ANKRD50: variants seen among roughly 807,000 people sequenced by gnomAD.
ANKRD50 encodes ankyrin repeat domain-containing protein 50.
In ANKRD50, 40 loss-of-function variants were observed where a neutral mutation model predicts 112.0. The observed-to-expected ratio is 0.36, with a 90% CI of 0.28 to 0.46. ANKRD50 has a LOEUF of 0.46. Among genes scored for constraint, ANKRD50 ranks in the 20% least tolerant of loss-of-function variants. The pLI is 1.00. For synonymous variants in ANKRD50, 613 were observed against 619.1 expected, an observed-to-expected ratio of 0.99 and a Z score of 0.15; for missense variants, 1,487 against 1,701.7, an observed-to-expected ratio of 0.87 and a Z score of 2.22.
intron 4 of ANKRD50, among the ~76,000 whole-genome samples, chr4:124,668,439 T>C (rs950890258): frequency 9.9e-5 from 15 of 152,102 alleles, no homozygotes; most frequent in African/African-American, 3.6e-4. Context: ...CTATCTACTA[T>C]GTGCTACAGA....
At chr4:124,668,841 A>AG (rs1730556895) in intron 4 of ANKRD50, 143 bp downstream of exon 4, 2 of 673,578 alleles carry the variant, frequency 3.0e-6, no homozygotes, top group East Asian at 5.7e-5. Flanking sequence ...TCTGATGTAA[A>AG]GGGGTGATGA....
In ANKRD50 at chr4:124,671,662, T is replaced by G. The variant is rs1268755502; in HGVS notation, c.1615A>C (p.Asn539His). Reference sequence around the variant, plus strand: ...GTTCTCCCATTTGAATCACACTGATTTACTGAAGCTCCATTATCTAATAAT... The same window carrying G: ...GTTCTCCCATTTGAATCACACTGATGTACTGAAGCTCCATTATCTAATAAT... ...RTLLDNGASV[N>H]QCDSNGRTLL... The change falls in exon 4 of 5, where the codon AAT (asparagine) becomes CAT (histidine). Residue 539 changes from asparagine (N) to histidine (H), a missense_variant. Coordinates refer to ENST00000504087, the MANE Select transcript of ANKRD50 (RefSeq NM_020337.3). 4 of 1,613,734 alleles carry G rather than the reference T, an allele frequency of 2.5e-6. No individual in the cohort carries two copies. The Admixed American group carries it at 6.7e-5, about 27-fold the overall frequency.
chr4:124,709,967 G>C (rs1386122477), intron 2 of ANKRD50, 33 bp downstream of exon 2: 5 of 1,563,924 alleles, frequency 3.2e-6, no homozygotes, highest in Non-Finnish European at 4.3e-6. Context: ...TTTCAGCATA[G>C]AAATCTGAAC....
rs376403231 is a variant in ANKRD50 at position 124,671,871 on chromosome 4, G to A, written c.1406C>T (p.Ala469Val). ...CCATATCATCCACAGAGCTAACTCC[G>A]CTGTCTCTAATTGTAAGTTTGAGTT... ...LINSNLQLET[A>V]ELALWMIWNG... The change falls in exon 4 of 5, where the codon GCG becomes GTG. Residue 469 changes from alanine to valine, a missense_variant. Ala to Val is a moderately conservative substitution (Grantham distance 64, BLOSUM62 0). Around this residue, in one of 2 missense-constraint regions of ANKRD50, gnomAD observed 1,046 missense variants for 1,269.5 expected, o/e 0.82. Coordinates refer to ENST00000504087, the MANE Select transcript of ANKRD50 (RefSeq NM_020337.3). 60 of 1,613,648 alleles carry A rather than the reference G, an allele frequency of 3.7e-5. No individual in the cohort carries two copies. The highest frequency in any genetic ancestry group is 5.0e-5 in the Admixed American group (3 of 59,964).
In ANKRD50 at chr4:124,671,493, T is replaced by C. The variant is rs541089565; in HGVS notation, c.1784A>G (p.Asn595Ser). The C allele has an allele frequency of 9.9e-6, 16 of 1,613,682 alleles. No individual in the cohort carries two copies. The highest frequency in any genetic ancestry group is 1.4e-5 in the Non-Finnish European group (16 of 1,179,840). Residue 595 changes from asparagine to serine, a missense_variant, in exon 4 of 5, where the codon AAT (asparagine) becomes AGT (serine). Transcript: ENST00000504087. ...ATTTGCTCCACACCCAATCAAACAA[T>C]TAACCACCTTGGTATGTCCCTGTCT... is the stretch of plus-strand genomic sequence containing the variant. The part of the protein sequence containing the change: ...AARQGHTKVV[N>S]CLIGCGANIN...
At position 124,682,469 on chromosome 4, in the gene ANKRD50, T is replaced by C. The variant is rs1218656014; in HGVS notation, c.513-3564A>G. ...ACTGATTTTTGGTTTATTTACTCTA[T>C]CAGTTGTTAAAAAGGGAGTGTTAAA... On this transcript the variant is annotated intron_variant, in intron 2 of 4. Transcript: ENST00000504087. Among the ~76,000 whole-genome samples the C allele has an allele frequency of 4.6e-5, 7 of 152,128 alleles. No homozygotes were observed. The East Asian group carries it at 1.3e-3, about 29-fold the overall frequency.
chr4:124,669,403 A>G lies in ANKRD50; in HGVS notation c.3874T>C (p.Ser1292Pro). Reference protein sequence around the residue: ...AGKKAKQSNSSQPKVLEYEMT... With the variant: ...AGKKAKQSNSPQPKVLEYEMT... ...TCATATTCTAAAACCTTTGGCTGTG[A>G]AGAATTACTTTGTTTCGCTTTTTTC... Residue 1292 changes from serine (S) to proline (P), a missense_variant, in exon 4 of 5, where the codon TCA becomes CCA. This residue lies in a region of ANKRD50 where 441 missense variants were observed against 432.2 expected (regional missense o/e 1.02). Coordinates refer to ENST00000504087, the MANE Select transcript of ANKRD50 (RefSeq NM_020337.3). The G allele has an allele frequency of 6.2e-7, 1 of 1,613,270 alleles. No homozygotes were observed.
At chr4:124,701,922 C>T (rs1159889672) in intron 2 of ANKRD50, among the ~76,000 whole-genome samples, 4 of 151,576 alleles carry the variant, frequency 2.6e-5, no homozygotes, top group African/African-American at 7.3e-5. Flanking sequence ...TTTCTAAAAA[C>T]GAGACCTAAA....
At chr4:124,702,110 G>A (rs1725406200) in intron 2 of ANKRD50, among the ~76,000 whole-genome samples, 1 of 151,890 alleles carries the variant, frequency 6.6e-6, no homozygotes, top group African/African-American at 2.4e-5. Flanking sequence ...GAATGAATGA[G>A]CATAATGCGC....
chr4:124,690,166 C>T (rs1382785769), intron 2 of ANKRD50, among the ~76,000 whole-genome samples: 1 of 152,190 alleles, frequency 6.6e-6, no homozygotes, highest in Non-Finnish European at 1.5e-5. Flanking sequence ...GAGTACCTCT[C>T]AAATGCAGGG....
intron 1 of ANKRD50, among the ~76,000 whole-genome samples, chr4:124,711,625 A>C (rs1479842442): frequency 6.6e-6 from 1 of 152,144 alleles, no homozygotes; most frequent in African/African-American, 2.4e-5. Context: ...GAACAGCGCC[A>C]GCTAAGGAAG....
chr4:124,710,161 G>C lies in ANKRD50; in HGVS notation c.351C>G (p.Asp117Glu). The change falls in exon 2 of 5, where the codon GAC becomes GAG. Residue 117 changes from aspartate (D) to glutamate (E), a missense_variant. Around this residue, in one of 2 missense-constraint regions of ANKRD50, gnomAD observed 1,046 missense variants for 1,269.5 expected, o/e 0.82. Transcript: ENST00000504087. Reference protein sequence around the residue: ...ALAFHFCKAQDSDTLCVGGFI... With the variant: ...ALAFHFCKAQESDTLCVGGFI... ...ACCCTCCAACACACAAAGTATCAGA[G>C]TCCTGGGCTTTGCAGAAATGAAAGG... 6.2e-7 allele frequency: 1 copy of C among 1,614,138 alleles called. No homozygotes were observed.
rs1391650476 is a variant in ANKRD50 at position 124,671,191 on chromosome 4, G to C, written c.2086C>G (p.Leu696Val). ...YMGHREIVEH[L>V]LDHGAEVNHE... ...TTTACTTCTGCTCCATGGTCCAGTA[G>C]GTGTTCCACAATCTCTCTATGTCCC... The change falls in exon 4 of 5, where the codon CTA becomes GTA. Residue 696 changes from leucine to valine, a missense_variant. Coordinates refer to ENST00000504087, the MANE Select transcript of ANKRD50 (RefSeq NM_020337.3). 17 of 1,613,738 alleles carry C rather than the reference G, an allele frequency of 1.1e-5. No individual in the cohort carries two copies. Among genetic ancestry groups the C allele is most frequent in the Non-Finnish European group, 1.4e-5 (17 of 1,179,870 alleles).
chr4:124,670,377 T>C lies in ANKRD50; in HGVS notation c.2900A>G (p.Glu967Gly). 1 of 1,613,904 alleles carries C rather than the reference T, an allele frequency of 6.2e-7. No homozygotes were observed. The highest frequency in any genetic ancestry group is 8.5e-7 in the Non-Finnish European group (1 of 1,179,900). Residue 967 changes from glutamate (E) to glycine (G), a missense_variant, in exon 4 of 5, where the codon GAA becomes GGA. Around this residue, in one of 2 missense-constraint regions of ANKRD50, gnomAD observed 1,046 missense variants for 1,269.5 expected, o/e 0.82. Transcript: ENST00000504087. ...NQLTMAEYFL[E>G]NGANVEASDA... ...ACTTGCTTCTACGTTTGCACCATTT[T>C]CTAAAAAATATTCGGCCATTGTAAG...
intron 2 of ANKRD50, among the ~76,000 whole-genome samples, chr4:124,707,855 T>G (rs1370520265): frequency 6.6e-6 from 1 of 152,026 alleles, no homozygotes; most frequent in Non-Finnish European, 1.5e-5. Context: ...AAGAAACAAT[T>G]GAATAAAAGA....
At chr4:124,689,552 A>G (rs1725084253) in intron 2 of ANKRD50, among the ~76,000 whole-genome samples, 1 of 152,176 alleles carries the variant, frequency 6.6e-6, no homozygotes, top group African/African-American at 2.4e-5. Context: ...GATTGAATAC[A>G]ACAAAAGGCT....
chr4:124,664,685 A>G lies in ANKRD50; in HGVS notation c.*2833T>C, dbSNP rs1730447852. 1 of 152,436 alleles carries G rather than the reference A, an allele frequency of 6.6e-6. No individual in the cohort carries two copies. Among genetic ancestry groups the G allele is most frequent in the Non-Finnish European group, 1.5e-5 (1 of 67,914 alleles). The allele number at this position is 152,436 out of a possible 1,614,324, so 9.4% of individuals were successfully genotyped here. A position where few individuals can be genotyped will look rare whatever the true frequency, so the allele number is the denominator to read the frequency against. ...ATTTGCTGAGAAGTGTAAATGGAGG[A>G]CATTAAGCAAAACAAATATTTGCAT... On this transcript the variant is annotated 3_prime_UTR_variant, in exon 5 of 5. Coordinates refer to ENST00000504087, the MANE Select transcript of ANKRD50 (RefSeq NM_020337.3).
intron 2 of ANKRD50, among the ~76,000 whole-genome samples, chr4:124,688,203 T>C (rs568054560): frequency 2.6e-5 from 4 of 152,206 alleles, no homozygotes; most frequent in South Asian, 2.1e-4. Flanking sequence ...ACAACTACTA[T>C]TGATCCACAC....
intron 3 of ANKRD50, 56 bp from the exon 4 acceptor site, chr4:124,672,590 C>T (rs1448157760): frequency 8.1e-7 from 1 of 1,232,892 alleles, no homozygotes; most frequent in Non-Finnish European, 1.1e-6. Context: ...ATAGAAGTAC[C>T]ATATCTTCAA....
Sources: gnomAD v4.1 joint callset for allele counts (sites outside exome capture counted in the v4.1 genomes callset) on GRCh38, gnomAD v4.1.1 for gene constraint, gnomAD v4.1.1 regional missense constraint, MANE v1.5 for transcripts, NCBI Gene and HGNC (gene_info 2026-07-23, HGNC 2026-07-21) for gene names.